PLEKHA6: variants seen among roughly 807,000 people sequenced by gnomAD.
PLEKHA6 encodes the protein pleckstrin homology domain-containing family A member 6.
In PLEKHA6, 60 loss-of-function variants were observed where a neutral mutation model predicts 116.7. That is an observed-to-expected ratio of 0.51 (90% CI 0.42 to 0.64). The LOEUF (loss-of-function observed/expected upper bound fraction) is 0.64. PLEKHA6 is among the 30% of genes least tolerant of loss of function. The pLI is 0.00. For synonymous variants in PLEKHA6, 489 were observed against 556.1 expected (o/e 0.88, Z 1.70); for missense variants, 1,338 against 1,422.7 (o/e 0.94, Z 0.96).
At chr1:204,343,075 A>G (rs997533294) in intron 1 of PLEKHA6, among the ~76,000 whole-genome samples, 1 of 152,206 alleles carries the variant, frequency 6.6e-6, no homozygotes, top group African/African-American at 2.4e-5. Context: ...TCTTTTATGC[A>G]GCAAAGGGGA....
chr1:204,251,728 G>A (rs778951041), intron 9 of PLEKHA6: 69 of 620,932 alleles, frequency 1.1e-4, no homozygotes, highest in Non-Finnish European at 1.6e-4. Context: ...CCAGCACCCT[G>A]AGCTTGCCCT....
At chr1:204,353,557 C>A (rs185026736) in intron 1 of PLEKHA6, among the ~76,000 whole-genome samples, 5 of 152,286 alleles carry the variant, frequency 3.3e-5, no homozygotes, top group Non-Finnish European at 5.9e-5. Flanking sequence ...GTGGCCAGGG[C>A]CACCGGGAGC....
chr1:204,361,908 C>T (rs1258991792), upstream of PLEKHA6, among the ~76,000 whole-genome samples: 4 of 152,210 alleles, frequency 2.6e-5, no homozygotes, highest in East Asian at 7.7e-4. Flanking sequence ...CCAGCCCAAG[C>T]CCCCACAATC....
chr1:204,285,619 G>T (rs1669082779), intron 1 of PLEKHA6, among the ~76,000 whole-genome samples: 1 of 152,122 alleles, frequency 6.6e-6, no homozygotes, highest in South Asian at 2.1e-4. Context: ...GGAACGTCAG[G>T]CACGGGCCAC....
At chr1:204,300,743 G>A (rs1036122277) in intron 1 of PLEKHA6, among the ~76,000 whole-genome samples, 10 of 152,224 alleles carry the variant, frequency 6.6e-5, no homozygotes, top group African/African-American at 2.2e-4. Context: ...GGATTGGAAT[G>A]ACAGCTCAGC....
chr1:204,370,049 G>A (rs1174879327), intron 2 of PLEKHA6, among the ~76,000 whole-genome samples: 1 of 152,194 alleles, frequency 6.6e-6, no homozygotes, highest in Non-Finnish European at 1.5e-5. Flanking sequence ...AACCCCTAGT[G>A]CAAGAGCACA....
chr1:204,305,514 C>G (rs182079015), intron 1 of PLEKHA6, among the ~76,000 whole-genome samples: 1 of 152,266 alleles, frequency 6.6e-6, no homozygotes, highest in East Asian at 1.9e-4. Flanking sequence ...TTCCATCTCT[C>G]TATACTCAAA....
chr1:204,236,926 C>T (rs112201810), intron 17 of PLEKHA6, among the ~76,000 whole-genome samples: 2,613 of 152,300 alleles, frequency 0.017, 72 homozygotes, highest in African/African-American at 0.06. Context: ...TGAGGAAGGA[C>T]CCCACTATAT....
At chr1:204,303,255 C>A (rs1670990496) in intron 1 of PLEKHA6, among the ~76,000 whole-genome samples, 1 of 152,120 alleles carries the variant, frequency 6.6e-6, no homozygotes, top group African/African-American at 2.4e-5. Flanking sequence ...GCCTCTTTGC[C>A]CTGAGAAAGC....
chr1:204,305,417 C>G (rs1010809671), intron 1 of PLEKHA6, among the ~76,000 whole-genome samples: 2 of 152,282 alleles, frequency 1.3e-5, no homozygotes, highest in Middle Eastern at 3.4e-3. Flanking sequence ...CTCCAGTTTC[C>G]TCATCTATAT....
intron 9 of PLEKHA6, among the ~76,000 whole-genome samples, chr1:204,253,650 C>T (rs1024142221): frequency 1.3e-5 from 2 of 151,970 alleles, no homozygotes; most frequent in African/African-American, 4.8e-5. Context: ...TACAGTGGGA[C>T]ACCCATCTCT....
intron 10 of PLEKHA6, among the ~76,000 whole-genome samples, chr1:204,250,235 G>A (rs1664343656): frequency 6.6e-6 from 1 of 152,230 alleles, no homozygotes; most frequent in Non-Finnish European, 1.5e-5. Flanking sequence ...CTGCATTCAT[G>A]TTACAAGCAG....
At chr1:204,282,450 C>A (rs192827512) in intron 1 of PLEKHA6, among the ~76,000 whole-genome samples, 2 of 152,142 alleles carry the variant, frequency 1.3e-5, no homozygotes, top group African/African-American at 4.8e-5. Context: ...AAAAGCTGCT[C>A]CCCCAAGTCC....
At chr1:204,262,152 T>C (rs73075550) in intron 6 of PLEKHA6, 3,662 of 152,386 alleles carry the variant, frequency 0.024, 112 homozygotes, top group African/African-American at 0.076. Flanking sequence ...CAGATTGTCC[T>C]CTTCTACTCA....
At chr1:204,314,081 C>T (rs1172410809) in intron 1 of PLEKHA6, among the ~76,000 whole-genome samples, 3 of 152,142 alleles carry the variant, frequency 2.0e-5, no homozygotes, top group African/African-American at 7.2e-5. Flanking sequence ...TGGGGAGGGA[C>T]AGGATCTTCT....
Position 204,257,871 on chromosome 1 carries a change from TGAGA to T in PLEKHA6, c.1008-6_1008-3del. On this transcript the variant is annotated splice_polypyrimidine_tract_variant and splice_region_variant and intron_variant, in intron 8 of 22. Transcript: ENST00000272203. This position sits in a 1 kb window ranked among gnomAD's most constrained non-coding sequence, Gnocchi z 6.5. ...GACACAGGATAGAACCTAGAGGGAC[TGAGA>T]GAGAGGGGACATTGTAATGAAGGCA... 1 of 1,596,194 alleles carries T rather than the reference TGAGA, an allele frequency of 6.3e-7. No homozygotes were observed. The highest frequency in any genetic ancestry group is 8.6e-7 in the Non-Finnish European group (1 of 1,167,264).
At chr1:204,374,057 C>T (rs61817877) in intron 1 of PLEKHA6, among the ~76,000 whole-genome samples, 1,564 of 152,290 alleles carry the variant, frequency 0.01, 18 homozygotes, top group South Asian at 0.04. Flanking sequence ...AGATTCCCAT[C>T]TATCTCTACC....
At chr1:204,266,061 C>T (rs554685683) in intron 5 of PLEKHA6, among the ~76,000 whole-genome samples, 79 of 152,334 alleles carry the variant, frequency 5.2e-4, no homozygotes, top group African/African-American at 1.7e-3. Context: ...GGCTAGGGTT[C>T]AGAAGAAACC....
At chr1:204,367,095 G>A (rs570208264) in intron 3 of PLEKHA6, among the ~76,000 whole-genome samples, 24 of 152,218 alleles carry the variant, frequency 1.6e-4, no homozygotes, top group Non-Finnish European at 2.5e-4. Flanking sequence ...ACCAGATGGA[G>A]AGACCCAGGC....
Sources: allele counts gnomAD v4.1 joint callset (sites outside exome capture counted in the v4.1 genomes callset), GRCh38; gene constraint gnomAD v4.1.1; non-coding constraint Gnocchi (gnomAD v3.1); transcripts MANE v1.5; gene names NCBI Gene and HGNC (gene_info 2026-07-23, HGNC 2026-07-21).